UBQLN4: variants seen among roughly 807,000 people sequenced by gnomAD.
UBQLN4 encodes the protein ubiquilin-4.
A neutral mutation model predicts 60.4 loss-of-function variants in UBQLN4; 11 were observed. The observed-to-expected ratio is 0.18, with a 90% confidence interval of 0.11 to 0.30. The LOEUF is 0.30. UBQLN4 is among the 10% of genes least tolerant of loss of function. The probability of loss-of-function intolerance (pLI) is 1.00; values close to 1 mark genes in which losing one functional copy is unlikely to be tolerated. For missense variants in UBQLN4, 417 were observed against 795.5 expected (o/e 0.52, Z 5.72); for synonymous variants, 258 against 313.1 (o/e 0.82, Z 1.86).
intron 7 of UBQLN4, 25 bp from the exon 8 acceptor site, chr1:156,042,261 G>T (rs760710273): frequency 1.9e-6 from 3 of 1,568,344 alleles, no homozygotes; most frequent in South Asian, 1.2e-5. Flanking sequence ...GTAGCAGGGG[G>T]AGACCTGGGC....
At chr1:156,031,918 A>T (rs895418810), downstream of UBQLN4, among the ~76,000 whole-genome samples, 1 of 151,740 alleles carries the variant, frequency 6.6e-6, no homozygotes, top group Non-Finnish European at 1.5e-5. Flanking sequence ...ATAAGTTTTG[A>T]CATATATATA....
intron 7 of UBQLN4, 106 bp from the exon 8 acceptor site, chr1:156,042,342 C>G: frequency 1.4e-6 from 2 of 1,450,954 alleles, no homozygotes; most frequent in Non-Finnish European, 1.8e-6. Flanking sequence ...GGAAATCTGG[C>G]CAGCTTCTCC....
intron 1 of UBQLN4, 24 bp downstream of exon 1, chr1:156,053,570 C>A: frequency 7.9e-7 from 1 of 1,272,192 alleles, no homozygotes. Context: ...CCGCGCTCCC[C>A]CCGCCCCCCG....
At position 156,051,243 on chromosome 1, in the gene UBQLN4, G is replaced by A. The variant is rs150271814; in HGVS notation, c.345C>T (p.Pro115=). 8.1e-6 allele frequency: 13 copies of A among 1,595,118 alleles called. No individual in the cohort carries two copies. Among genetic ancestry groups the A allele is most frequent in the East Asian group, 6.8e-5 (3 of 44,064 alleles). Residue 115 remains proline, a synonymous_variant, in exon 3 of 11, where the codon CCC becomes CCT. Transcript: ENST00000368309. ...AGGTGGAGGGCTGGGCAGGGGTGGC[G>A]GGTGAAGCAGGCGTGGTGGAGGGTG... ...ASAPSTTPAS[P]ATPAQPSTSG...
Position 156,051,295 on chromosome 1 carries a change from G to A in UBQLN4, c.293C>T (p.Ser98Phe), listed in dbSNP as rs745509360. Reference protein sequence around the residue: ...AQDPAAATASSPSTPDPASAP... With the variant: ...AQDPAAATASFPSTPDPASAP... ...TGAGGCAGGGTCAGGTGTGGAGGGG[G>A]AAGAAGCAGTGGCAGCAGCTGGATC... The change falls in exon 3 of 11, where the codon TCC becomes TTC. Residue 98 changes from serine (S) to phenylalanine (F), a missense_variant. Transcript: ENST00000368309. 1 of 1,560,400 alleles carries A rather than the reference G, an allele frequency of 6.4e-7. No homozygotes were observed. Among genetic ancestry groups the A allele is most frequent in the Non-Finnish European group, 8.7e-7 (1 of 1,151,216 alleles).
intron 10 of UBQLN4, 76 bp downstream of exon 10, chr1:156,041,409 C>T: frequency 6.9e-7 from 1 of 1,447,220 alleles, no homozygotes; most frequent in Non-Finnish European, 9.2e-7. Context: ...CCTACTGCCT[C>T]TATTCTATTG....
Position 156,035,438 on chromosome 1 carries a change from C to T in UBQLN4, c.*1540G>A, listed in dbSNP as rs1044451409. 58 of 984,504 alleles carry T rather than the reference C, an allele frequency of 5.9e-5. No individual in the cohort carries two copies. Among genetic ancestry groups the T allele is most frequent in the Admixed American group, 4.3e-4 (7 of 16,150 alleles). The allele number at this position is 984,504 out of a possible 1,614,324, so 61.0% of individuals were successfully genotyped here. On this transcript the variant is annotated 3_prime_UTR_variant, in exon 11 of 11. Coordinates refer to ENST00000368309, the MANE Select transcript of UBQLN4 (RefSeq NM_020131.5). ...TTGGAGCAAACTCTGTTCCTCTTGC[C>T]GTCATATTCTCAGCCATGGGGTCGG...
chr1:156,034,118 C>A (rs1683341701), downstream of UBQLN4, among the ~76,000 whole-genome samples: 4 of 151,412 alleles, frequency 2.6e-5, no homozygotes, highest in South Asian at 8.4e-4. Flanking sequence ...TTGGCTTATT[C>A]ATGTTCCACA....
intron 4 of UBQLN4, among the ~76,000 whole-genome samples, chr1:156,049,346 C>T (rs1683799729): frequency 6.6e-6 from 1 of 152,208 alleles, no homozygotes; most frequent in Non-Finnish European, 1.5e-5. Context: ...CAAGTCTTTG[C>T]TCTGCCTGAA....
chr1:156,031,883 G>A (rs1344699361), downstream of UBQLN4, among the ~76,000 whole-genome samples: 2 of 151,754 alleles, frequency 1.3e-5, no homozygotes, highest in Non-Finnish European at 2.9e-5. Context: ...ACAATAAACT[G>A]TACATATTTA....
intron 1 of UBQLN4, 28 bp downstream of exon 1, chr1:156,053,566 T>TCCCCCCG: frequency 1.3e-6 from 1 of 742,700 alleles, no homozygotes; most frequent in Non-Finnish European, 1.7e-6. Context: ...TCCTCCGCGC[T>TCCCCCCG]CCCCCCGCCC....
intron 6 of UBQLN4, 26 bp downstream of exon 6, chr1:156,043,972 T>C (rs1470881041): frequency 1.9e-6 from 3 of 1,611,714 alleles, no homozygotes; most frequent in Non-Finnish European, 1.7e-6. Context: ...GTGACCCCAC[T>C]AAGCTCCTTC....
downstream of UBQLN4, among the ~76,000 whole-genome samples, chr1:156,031,732 C>T (rs866452783): frequency 6.6e-6 from 1 of 152,038 alleles, no homozygotes; most frequent in African/African-American, 2.4e-5. Flanking sequence ...GCGCATGCCA[C>T]CAGGCCTGGC....
intron 5 of UBQLN4, among the ~76,000 whole-genome samples, chr1:156,047,077 C>G (rs74593044): frequency 0.052 from 7,966 of 151,972 alleles, 312 homozygotes; most frequent in Non-Finnish European, 0.081. Context: ...TTAAATATGT[C>G]TAGGAAAATA....
At position 156,036,976 on chromosome 1, in the gene UBQLN4, G is replaced by A. The variant is rs1452169883; in HGVS notation, c.*2C>T. 12 of 1,613,742 alleles carry A rather than the reference G, an allele frequency of 7.4e-6. No individual in the cohort carries two copies. The highest frequency in any genetic ancestry group is 1.0e-5 in the Non-Finnish European group (12 of 1,179,816). On this transcript the variant is annotated 3_prime_UTR_variant, in exon 11 of 11. Coordinates refer to ENST00000368309, the MANE Select transcript of UBQLN4 (RefSeq NM_020131.5). ...GAGAGGCAGGAGGCATGGGCCGAGG[G>A]ATTAGGAGAGCTGGGAGCCCAGCAG... is the stretch of plus-strand genomic sequence containing the variant.
intron 1 of UBQLN4, among the ~76,000 whole-genome samples, chr1:156,052,408 C>A (rs1030691808): frequency 1.3e-5 from 2 of 152,200 alleles, no homozygotes; most frequent in Non-Finnish European, 1.5e-5. Flanking sequence ...CTCACTGTAA[C>A]CTCCATCTTC....
chr1:156,053,531 G>T, intron 1 of UBQLN4, 63 bp downstream of exon 1: 1 of 1,136,154 alleles, frequency 8.8e-7, no homozygotes, highest in Non-Finnish European at 1.1e-6. Flanking sequence ...CCGTCAGAGA[G>T]GCCCCCCATC....
intron 6 of UBQLN4, 82 bp downstream of exon 6, chr1:156,043,916 G>T: frequency 1.4e-6 from 2 of 1,424,190 alleles, no homozygotes; most frequent in Non-Finnish European, 1.9e-6. Context: ...CAAAATCCTG[G>T]AGCAGTATGA....
In UBQLN4 at chr1:156,051,963, G is replaced by C. The variant is rs1683883012; in HGVS notation, c.109-106C>G. 1.5e-5 allele frequency: 21 copies of C among 1,392,164 alleles called. No individual in the cohort carries two copies. In the Admixed American group the frequency reaches 4.4e-4, roughly 29 times the overall value. 86.2% of individuals were successfully genotyped at this position (1,392,164 alleles called of 1,614,324 possible). A position where few individuals can be genotyped will look rare whatever the true frequency, so the allele number is the denominator to read the frequency against. ...CTGCACTCTCTTGCTCTCATCTCTA[G>C]TCATGGGAAGTCCTTTCTGTAGTCT... is the stretch of plus-strand genomic sequence containing the variant. On this transcript the variant is annotated intron_variant, in intron 1 of 10. Coordinates refer to ENST00000368309, the MANE Select transcript of UBQLN4 (RefSeq NM_020131.5).
Sources: gnomAD v4.1 joint callset for allele counts (sites outside exome capture counted in the v4.1 genomes callset) on GRCh38, gnomAD v4.1.1 for gene constraint, MANE v1.5 for transcripts, NCBI Gene and HGNC (gene_info 2026-07-23, HGNC 2026-07-21) for gene names.